RPS10: variants seen among roughly 807,000 people sequenced by gnomAD.
RPS10 encodes the protein small ribosomal subunit protein eS10.
A neutral mutation model predicts 22.6 loss-of-function variants in RPS10; 2 were observed. That is an observed-to-expected ratio of 0.09 (90% CI 0.04 to 0.28). The LOEUF is 0.28. RPS10 is among the 10% of genes least tolerant of loss of function. RPS10 has a pLI of 1.00. For missense variants in RPS10, 137 were observed against 222.2 expected (o/e 0.62, Z 2.44); for synonymous variants, 70 against 75.9 (o/e 0.92, Z 0.40).
chr6:34,418,275 C>T, intron 5 of RPS10, 94 bp downstream of exon 5: 1 of 1,603,104 alleles, frequency 6.2e-7, no homozygotes, highest in Non-Finnish European at 8.5e-7. Context: ...ACAGGACCCA[C>T]CCATACTATA....
chr6:34,419,604 TCTCA>T (rs748709441), intron 4 of RPS10, among the ~76,000 whole-genome samples: 2 of 151,762 alleles, frequency 1.3e-5, no homozygotes, highest in Non-Finnish European at 2.9e-5. Context: ...TGAGACGAAG[TCTCA>T]CTCTTGTCCC....
intron 4 of RPS10, among the ~76,000 whole-genome samples, chr6:34,419,371 C>CG (rs1197580926): frequency 6.6e-6 from 1 of 152,060 alleles, no homozygotes; most frequent in African/African-American, 2.4e-5. Flanking sequence ...CCATGTTGCC[C>CG]GGGCTGGTCT....
chr6:34,420,221 G>T (rs1765715821), intron 4 of RPS10, among the ~76,000 whole-genome samples: 1 of 151,988 alleles, frequency 6.6e-6, no homozygotes, highest in South Asian at 2.1e-4. Flanking sequence ...TTCAGTAATC[G>T]TTTTCTTTTC....
At chr6:34,422,663 T>TA (rs747425841) in intron 3 of RPS10, among the ~76,000 whole-genome samples, 28 of 151,924 alleles carry the variant, frequency 1.8e-4, no homozygotes, top group Non-Finnish European at 1.0e-4. Flanking sequence ...TTTACCATGT[T>TA]AGACAGGCTG....
chr6:34,419,372 G>A (rs1765685846), intron 4 of RPS10, among the ~76,000 whole-genome samples: 1 of 151,444 alleles, frequency 6.6e-6, no homozygotes, highest in Non-Finnish European at 1.5e-5. Context: ...CATGTTGCCC[G>A]GGCTGGTCTA....
chr6:34,421,826 A>G lies in RPS10; in HGVS notation c.323-19T>C, dbSNP rs1765779305. On this transcript the variant is annotated intron_variant, in intron 3 of 5. Transcript: ENST00000648437. ...TCCAGACCTATGTAAATCAAACCACACTGTGAACACAGGGCAATGTGAGAA... is the reference window on the plus strand; with the variant it reads ...TCCAGACCTATGTAAATCAAACCACGCTGTGAACACAGGGCAATGTGAGAA... The G allele has an allele frequency of 1.9e-6, 3 of 1,613,790 alleles. No homozygotes were observed. Among genetic ancestry groups the G allele is most frequent in the Middle Eastern group, 1.7e-4 (1 of 6,056 alleles).
chr6:34,424,164 A>AAAAAAAAAAAAAAAAAAAAAT (rs377757571), intron 3 of RPS10: 1 of 149,000 alleles, frequency 6.7e-6, no homozygotes, highest in African/African-American at 2.5e-5. Context: ...AAAAAAAAAA[A>AAAAAAAAAAAAAAAAAAAAAT]GCAACTGTGA....
intron 1 of RPS10, 74 bp from the exon 2 acceptor site, chr6:34,425,295 C>T (rs1581932406): frequency 6.5e-7 from 1 of 1,531,844 alleles, no homozygotes; most frequent in East Asian, 2.4e-5. Context: ...GTTCTTGATC[C>T]TAAAGTGACC....
At chr6:34,424,106 G>A (rs111927715) in intron 3 of RPS10, among the ~76,000 whole-genome samples, 96 of 117,848 alleles carry the variant, frequency 8.1e-4, no homozygotes, top group East Asian at 4.4e-3. Context: ...GCTTACCACC[G>A]CACTCCAGGC....
At chr6:34,425,608 A>C in intron 1 of RPS10, 1 of 299,854 alleles carries the variant, frequency 3.3e-6, no homozygotes, top group Non-Finnish European at 6.6e-6. Flanking sequence ...GAAGGCCCGG[A>C]GGGGTAAAGC....
At chr6:34,424,353 G>T in intron 3 of RPS10, 1 of 354,934 alleles carries the variant, frequency 2.8e-6, no homozygotes, top group Non-Finnish European at 5.4e-6. Flanking sequence ...CTTTGCTTTG[G>T]ACTTCTCGGG....
intron 5 of RPS10, 63 bp downstream of exon 5, chr6:34,418,306 G>A (rs1332333998): frequency 1.2e-6 from 2 of 1,613,066 alleles, no homozygotes; most frequent in Non-Finnish European, 1.7e-6. Context: ...ACAACTTGCA[G>A]AGCAACCAGA....
chr6:34,424,126 G>C (rs1040444713), intron 3 of RPS10: 1 of 92,882 alleles, frequency 1.1e-5, no homozygotes, highest in Non-Finnish European at 1.8e-5. Flanking sequence ...CTGGGCAACA[G>C]AGCAAGACTC....
chr6:34,423,702 A>G (rs1311128143), intron 3 of RPS10, among the ~76,000 whole-genome samples: 1 of 152,072 alleles, frequency 6.6e-6, no homozygotes, highest in East Asian at 1.9e-4. Context: ...TGGCCAACAG[A>G]GTGAAACCCC....
At chr6:34,423,022 G>T (rs1356667987) in intron 3 of RPS10, among the ~76,000 whole-genome samples, 1 of 152,114 alleles carries the variant, frequency 6.6e-6, no homozygotes, top group African/African-American at 2.4e-5. Flanking sequence ...AGAGGTTGCA[G>T]TAAATTGGGA....
intron 1 of RPS10, chr6:34,425,637 G>A: frequency 3.7e-6 from 1 of 270,680 alleles, no homozygotes; most frequent in South Asian, 3.6e-5. Flanking sequence ...CTTGAAGGCG[G>A]CAGACCCCAA....
Position 34,424,699 on chromosome 6 carries a change from G to A in RPS10, c.292C>T (p.Arg98Cys), listed in dbSNP as rs750347786. 1.2e-6 allele frequency: 2 copies of A among 1,614,154 alleles called. No individual in the cohort carries two copies. The highest frequency in any genetic ancestry group is 8.5e-7 in the Non-Finnish European group (1 of 1,180,032). ...GGCCGAGGCCTGCCAGTCTCTGGAC[G>A]GCTACGGCGTAGGGTGGCAGGCACA... is the stretch of plus-strand genomic sequence containing the variant. Reference protein sequence around the residue: ...EIVPATLRRSRPETGRPRPKG... With the variant: ...EIVPATLRRSCPETGRPRPKG... The change falls in exon 3 of 6, where the codon CGT (arginine) becomes TGT (cysteine). Residue 98 changes from arginine to cysteine, a missense_variant. Coordinates refer to ENST00000648437, the MANE Select transcript of RPS10 (RefSeq NM_001014.5).
chr6:34,425,257 A>G (rs1459485660), intron 1 of RPS10, 36 bp from the exon 2 acceptor site: 1 of 1,578,648 alleles, frequency 6.3e-7, no homozygotes, highest in Non-Finnish European at 8.6e-7. Context: ...AGCACTTCTG[A>G]GTAACGAGGC....
intron 3 of RPS10, among the ~76,000 whole-genome samples, chr6:34,422,011 G>A (rs1300649771): frequency 1.4e-5 from 2 of 138,376 alleles, no homozygotes; most frequent in Non-Finnish European, 1.5e-5. Context: ...AATCTTGGCT[G>A]CAAATCTGAA....
Sources: allele counts gnomAD v4.1 joint callset (sites outside exome capture counted in the v4.1 genomes callset), GRCh38; gene constraint gnomAD v4.1.1; transcripts MANE v1.5; gene names NCBI Gene and HGNC (gene_info 2026-07-23, HGNC 2026-07-21).